ABCB11: variants seen among roughly 807,000 people sequenced by gnomAD.
ABCB11 encodes the protein bile salt export pump.
ABCB11 carries 95 observed loss-of-function variants against 148.0 expected under a neutral mutation model. The ratio of observed to expected loss-of-function variants is 0.64; its 90% confidence interval spans 0.54 to 0.76. The LOEUF is 0.76. Ranked by LOEUF, ABCB11 falls within the 30% of genes least tolerant of loss-of-function variation. The probability of loss-of-function intolerance (pLI) is 0.00; values close to 1 mark genes in which losing one functional copy is unlikely to be tolerated. For synonymous variants in ABCB11, 591 were observed against 555.4 expected, an observed-to-expected ratio of 1.06 and a Z score of -0.90; for missense variants, 1,523 against 1,617.8, an observed-to-expected ratio of 0.94 and a Z score of 1.01.
rs113923887 is a variant in ABCB11 at position 168,935,255 on chromosome 2, C to T, written c.2985G>A (p.Ala995=). 278 of 1,613,912 alleles carry T rather than the reference C, an allele frequency of 1.7e-4. No individual in the cohort carries two copies. The African/African-American group carries it at 3.1e-3, about 18-fold the overall frequency. Residue 995 remains alanine (A), a synonymous_variant, in exon 23 of 28, where the codon GCG becomes GCA. Transcript: ENST00000650372. ...CTCCATATCTGTAGGAAGCAGAATTCGCAATAAACATGATGCACTGGGCAA... is the reference window on the plus strand; with the variant it reads ...CTCCATATCTGTAGGAAGCAGAATTTGCAATAAACATGATGCACTGGGCAA... The part of the protein sequence containing the change: ...FAFAQCIMFI[A]NSASYRYGGY...
chr2:168,977,556 T>C (rs186299529), intron 11 of ABCB11, among the ~76,000 whole-genome samples: 75 of 152,302 alleles, frequency 4.9e-4, no homozygotes, highest in African/African-American at 1.4e-3. Context: ...TCCAGCATCA[T>C]CTTCTTCCCT....
chr2:168,995,540 T>C (rs1199715656), intron 6 of ABCB11, 58 bp from the exon 7 acceptor site: 5 of 1,553,136 alleles, frequency 3.2e-6, no homozygotes, highest in South Asian at 2.4e-5. Context: ...TGTTAATTTC[T>C]TTTTTCAGAA....
intron 6 of ABCB11, 116 bp downstream of exon 6, chr2:168,996,519 C>T: frequency 2.0e-6 from 1 of 493,188 alleles, no homozygotes; most frequent in South Asian, 5.7e-5. Context: ...CCTCTGGAAA[C>T]AGACTGTAGT....
intron 4 of ABCB11, 68 bp downstream of exon 4, chr2:169,014,235 A>AG: frequency 9.2e-7 from 1 of 1,088,880 alleles, no homozygotes; most frequent in Non-Finnish European, 1.4e-6. Flanking sequence ...AAGATTTAAC[A>AG]CTCCCCTCAT....
chr2:169,006,671 C>CA (rs1695029315), intron 5 of ABCB11, among the ~76,000 whole-genome samples: 1 of 151,900 alleles, frequency 6.6e-6, no homozygotes, highest in Non-Finnish European at 1.5e-5. Context: ...CTAAAGAGCC[C>CA]ACTAAAAAAC....
At chr2:168,980,028 A>G in intron 10 of ABCB11, 49 bp from the exon 11 acceptor site, 1 of 1,108,276 alleles carries the variant, frequency 9.0e-7, no homozygotes, top group South Asian at 1.3e-5. Context: ...TAATGTGTAA[A>G]TAGTAATTAC....
chr2:169,025,786 G>A (rs1367869882), intron 1 of ABCB11, among the ~76,000 whole-genome samples: 1 of 152,190 alleles, frequency 6.6e-6, no homozygotes, highest in Non-Finnish European at 1.5e-5. Flanking sequence ...CCCTCAGTCA[G>A]TGAGCACCAA....
At chr2:168,958,456 C>A (rs1473287679) in intron 18 of ABCB11, among the ~76,000 whole-genome samples, 1 of 151,370 alleles carries the variant, frequency 6.6e-6, no homozygotes, top group Non-Finnish European at 1.5e-5. Flanking sequence ...AAAAGAAAAC[C>A]TTTGCTACGG....
intron 15 of ABCB11, 86 bp downstream of exon 15, chr2:168,969,955 ATCCC>A: frequency 5.5e-6 from 3 of 545,914 alleles, no homozygotes; most frequent in Non-Finnish European, 3.6e-6. Context: ...AACTACTCCC[ATCCC>A]TCCCACCCCA....
chr2:168,995,622 A>G, intron 6 of ABCB11, 140 bp from the exon 7 acceptor site: 1 of 871,020 alleles, frequency 1.1e-6, no homozygotes, highest in Non-Finnish European at 1.7e-6. Context: ...TTGGGAACTA[A>G]GATGTGAGCT....
intron 10 of ABCB11, among the ~76,000 whole-genome samples, chr2:168,984,171 G>C (rs1694233220): frequency 6.6e-6 from 1 of 152,140 alleles, no homozygotes; most frequent in African/African-American, 2.4e-5. Context: ...GAGGGAGCAG[G>C]ATAAGAAGCC....
chr2:168,963,890 T>A (rs552425851), intron 18 of ABCB11, among the ~76,000 whole-genome samples: 7 of 151,884 alleles, frequency 4.6e-5, no homozygotes, highest in Non-Finnish European at 8.8e-5. Flanking sequence ...TTTCTACATA[T>A]GAGCAAATAA....
At position 168,946,832 on chromosome 2, in the gene ABCB11, T is replaced by C. The variant is rs530019528; in HGVS notation, c.2344-1871A>G. On this transcript the variant is annotated intron_variant, in intron 19 of 27. Transcript: ENST00000650372. The stretch of plus-strand genomic sequence containing the variant: ...TGGCTTCTGGTGCAGTGGTTTTCTA[T>C]TGGGTATGCTCTTTTAGCTTTTTGT... 3.3e-5 allele frequency among the ~76,000 whole-genome samples: 5 copies of C among 151,896 alleles called. No individual in the cohort carries two copies. In the South Asian group the frequency reaches 6.2e-4, roughly 19 times the overall value.
chr2:168,944,822 A>G (rs778002575), intron 20 of ABCB11, 35 bp downstream of exon 20: 17 of 1,608,360 alleles, frequency 1.1e-5, no homozygotes, highest in Non-Finnish European at 1.4e-5. Flanking sequence ...AAGGAAAAAT[A>G]ACTAAATCAC....
At chr2:168,991,459 A>G (rs1694519454) in intron 8 of ABCB11, among the ~76,000 whole-genome samples, 1 of 152,154 alleles carries the variant, frequency 6.6e-6, no homozygotes, top group African/African-American at 2.4e-5. Context: ...ACAAAAGGAA[A>G]TGAAAAGACA....
chr2:168,986,119 G>A lies in ABCB11; in HGVS notation c.1074C>T (p.Thr358=), dbSNP rs774554076. 6.2e-7 allele frequency: 1 copy of A among 1,605,678 alleles called. No individual in the cohort carries two copies. Residue 358 remains threonine (T), a synonymous_variant, in exon 10 of 28, where the codon ACC becomes ACT. Transcript: ENST00000650372. ...AATAAGTCCAAGGTACCTGGACAAG[G>A]GTTCCTGGTGTATATTCTCCTTCAT... ...VLDEGEYTPG[T]LVQIFLSVIV...
intron 5 of ABCB11, among the ~76,000 whole-genome samples, chr2:168,999,419 G>T (rs1030109900): frequency 1.3e-5 from 2 of 151,858 alleles, no homozygotes; most frequent in African/African-American, 4.8e-5. Flanking sequence ...ATATAATCAA[G>T]ATCAGAACAT....
intron 1 of ABCB11, among the ~76,000 whole-genome samples, chr2:169,020,411 A>T (rs1695500645): frequency 6.6e-6 from 1 of 152,160 alleles, no homozygotes; most frequent in African/African-American, 2.4e-5. Flanking sequence ...GCAAAGGATT[A>T]AAAACTAAGT....
At chr2:168,937,944 T>G (rs1574408211) in intron 21 of ABCB11, among the ~76,000 whole-genome samples, 1 of 152,120 alleles carries the variant, frequency 6.6e-6, no homozygotes, top group Non-Finnish European at 1.5e-5. Context: ...GCTAGGCAGG[T>G]ACGACCAAAG....
Sources: allele counts gnomAD v4.1 joint callset (sites outside exome capture counted in the v4.1 genomes callset), GRCh38; gene constraint gnomAD v4.1.1; transcripts MANE v1.5; gene names NCBI Gene and HGNC (gene_info 2026-07-23, HGNC 2026-07-21).